Variants in MACROD2 observed in about 807,000 individuals in gnomAD.
MACROD2 encodes mono-ADP ribosylhydrolase 2, also known as ADP-ribose glycohydrolase MACROD2.
MACROD2 carries 36 observed loss-of-function variants against 70.4 expected under a neutral mutation model. The observed-to-expected ratio is 0.51, with a 90% confidence interval of 0.39 to 0.68. The LOEUF is 0.68. Among genes scored for constraint, MACROD2 ranks in the 30% least tolerant of loss-of-function variants. The pLI is 0.00. For synonymous variants in MACROD2, 172 were observed against 178.8 expected (o/e 0.96, Z 0.30); for missense variants, 496 against 538.4 (o/e 0.92, Z 0.78).
intron 3 of MACROD2, among the ~76,000 whole-genome samples, chr20:14,349,858 C>T (rs1288749893): frequency 7.0e-6 from 1 of 142,474 alleles, no homozygotes; most frequent in Admixed American, 7.2e-5. Context: ...ATGCGATTCT[C>T]CTGCCTCAGC....
intron 15 of MACROD2, among the ~76,000 whole-genome samples, chr20:16,039,518 T>G (rs1027536352): frequency 6.6e-6 from 1 of 151,926 alleles, no homozygotes; most frequent in Non-Finnish European, 1.5e-5. Flanking sequence ...TTTTAAACAT[T>G]TCTTTTGGTA....
intron 3 of MACROD2, among the ~76,000 whole-genome samples, chr20:14,288,376 A>G (rs1304216860): frequency 6.6e-6 from 1 of 152,112 alleles, no homozygotes; most frequent in African/African-American, 2.4e-5. Context: ...CAGTTTTTTG[A>G]AGATTCTTTA....
At chr20:15,140,660 G>T (rs1319633231) in intron 5 of MACROD2, among the ~76,000 whole-genome samples, 1 of 152,102 alleles carries the variant, frequency 6.6e-6, no homozygotes, top group African/African-American at 2.4e-5. Flanking sequence ...GGCTGGGCTG[G>T]CAATAGCTGG....
At chr20:15,912,377 T>C (rs992406581) in intron 10 of MACROD2, among the ~76,000 whole-genome samples, 2 of 152,192 alleles carry the variant, frequency 1.3e-5, no homozygotes, top group African/African-American at 4.8e-5. Context: ...AGCAATAGGC[T>C]TCAATAACTA....
At chr20:15,307,870 G>C (rs550543368) in intron 6 of MACROD2, among the ~76,000 whole-genome samples, 6 of 152,030 alleles carry the variant, frequency 3.9e-5, no homozygotes, top group Non-Finnish European at 5.9e-5. Flanking sequence ...TTGTGACTTT[G>C]ACATTTTTGA....
At chr20:15,665,973 G>T (rs17697285) in intron 8 of MACROD2, among the ~76,000 whole-genome samples, 1 of 140,092 alleles carries the variant, frequency 7.1e-6, no homozygotes, top group Non-Finnish European at 1.5e-5. Context: ...GATATTTCAT[G>T]CTGTAGAGAA....
At chr20:15,728,332 T>C (rs2050894772) in intron 8 of MACROD2, among the ~76,000 whole-genome samples, 1 of 152,204 alleles carries the variant, frequency 6.6e-6, no homozygotes, top group Non-Finnish European at 1.5e-5. Flanking sequence ...TTTGTACCTA[T>C]GTTCATCAAG....
rs539078144 is a variant in MACROD2 at position 15,962,698 on chromosome 20, C to T, written c.908-4855C>T. On this transcript the variant is annotated intron_variant, in intron 12 of 17. Transcript: ENST00000684519. ...AAGCATTTCAGATAAGGAACATCAACCTGTCCCTGAATTCCATATCTCTGG... is the reference window on the plus strand; with the variant it reads ...AAGCATTTCAGATAAGGAACATCAATCTGTCCCTGAATTCCATATCTCTGG... Among the ~76,000 whole-genome samples the T allele has an allele frequency of 1.2e-4, 19 of 152,274 alleles. 1 individual carries two copies. The highest frequency in any genetic ancestry group is 8.3e-4 in the South Asian group (4 of 4,820).
intron 5 of MACROD2, among the ~76,000 whole-genome samples, chr20:15,046,587 G>A (rs1265571394): frequency 2.0e-5 from 3 of 152,176 alleles, no homozygotes; most frequent in Admixed American, 1.3e-4. Context: ...AGGAGTTAGT[G>A]TTTATTGTTT....
intron 5 of MACROD2, among the ~76,000 whole-genome samples, chr20:15,171,913 A>G (rs2076425320): frequency 6.6e-6 from 1 of 152,242 alleles, no homozygotes; most frequent in African/African-American, 2.4e-5. Flanking sequence ...CAGCTAGCAC[A>G]ATACCTTGCA....
At chr20:15,258,439 G>A (rs1246153740) in intron 6 of MACROD2, among the ~76,000 whole-genome samples, 1 of 152,012 alleles carries the variant, frequency 6.6e-6, no homozygotes, top group East Asian at 1.9e-4. Context: ...TACTTTTACT[G>A]TATCTTTTCT....
intron 8 of MACROD2, among the ~76,000 whole-genome samples, chr20:15,844,359 C>G (rs951271883): frequency 5.3e-5 from 8 of 152,118 alleles, no homozygotes; most frequent in African/African-American, 1.9e-4. Flanking sequence ...TATCAAACAT[C>G]CTTTCTTCCC....
At chr20:15,527,002 T>C (rs914068839) in intron 8 of MACROD2, among the ~76,000 whole-genome samples, 1 of 152,192 alleles carries the variant, frequency 6.6e-6, no homozygotes, top group Non-Finnish European at 1.5e-5. Flanking sequence ...CATCTTATTT[T>C]GGTAACAGTT....
intron 8 of MACROD2, among the ~76,000 whole-genome samples, chr20:15,640,381 G>A (rs1448336772): frequency 6.6e-6 from 1 of 152,146 alleles, no homozygotes; most frequent in East Asian, 1.9e-4. Flanking sequence ...AGGTACAGAC[G>A]CAGAGTGACA....
At chr20:14,931,224 G>C (rs1221112662) in intron 5 of MACROD2, among the ~76,000 whole-genome samples, 2 of 152,152 alleles carry the variant, frequency 1.3e-5, no homozygotes, top group African/African-American at 4.8e-5. Flanking sequence ...CCCGGAGCCA[G>C]TGAATGAGAC....
intron 4 of MACROD2, among the ~76,000 whole-genome samples, chr20:14,662,473 C>T: frequency 6.6e-6 from 1 of 152,070 alleles, no homozygotes; most frequent in Non-Finnish European, 1.5e-5. Flanking sequence ...GCAACAAAAG[C>T]AACACTTGAC....
At chr20:14,478,299 G>A (rs1297941225) in intron 3 of MACROD2, among the ~76,000 whole-genome samples, 1 of 152,104 alleles carries the variant, frequency 6.6e-6, no homozygotes, top group African/African-American at 2.4e-5. Flanking sequence ...ATATCCCCAA[G>A]ATATTGGATA....
intron 4 of MACROD2, among the ~76,000 whole-genome samples, chr20:14,629,994 T>TCTAA: frequency 1.3e-5 from 2 of 152,054 alleles, no homozygotes; most frequent in East Asian, 3.9e-4. Context: ...TATCTATCTA[T>TCTAA]CTATCCATCC....
chr20:14,445,930 A>C (rs1229564962), intron 3 of MACROD2, among the ~76,000 whole-genome samples: 1 of 152,076 alleles, frequency 6.6e-6, no homozygotes, highest in Non-Finnish European at 1.5e-5. Flanking sequence ...CCATCATGCA[A>C]GTTTGCTGTG....
Sources: gnomAD v4.1 joint callset for allele counts (sites outside exome capture counted in the v4.1 genomes callset) on GRCh38, gnomAD v4.1.1 for gene constraint, MANE v1.5 for transcripts, NCBI Gene and HGNC (gene_info 2026-07-23, HGNC 2026-07-21) for gene names.